FAAH2: variants seen among roughly 807,000 people sequenced by gnomAD.
The protein encoded by FAAH2 is fatty-acid amide hydrolase 2.
A neutral mutation model predicts 36.9 loss-of-function variants in FAAH2; 60 were observed. That is an observed-to-expected ratio of 1.63 (90% CI 1.32 to 2.02). The LOEUF is 2.02. Among genes scored for constraint, FAAH2 ranks in the 30% most tolerant of loss-of-function variants. The pLI, the probability that FAAH2 is intolerant of heterozygous loss-of-function variation, is 0.00. For missense variants in FAAH2, 689 were observed against 397.5 expected, an observed-to-expected ratio of 1.73 and a Z score of -6.23; for synonymous variants, 214 against 143.8, an observed-to-expected ratio of 1.49 and a Z score of -3.49.
chrX:57,336,535 C>T (rs6612778), intron 4 of FAAH2, among the ~76,000 whole-genome samples: 59,998 of 110,481 alleles, frequency 0.54, 14,362 homozygotes, highest in Non-Finnish European at 0.74. Flanking sequence ...TCTTTCTTTT[C>T]CCCACATTAC....
At chrX:57,422,010 A>G (rs1389487672) in intron 7 of FAAH2, among the ~76,000 whole-genome samples, 1 of 111,679 alleles carries the variant, frequency 9.0e-6, no homozygotes, top group African/African-American at 3.3e-5. Flanking sequence ...CTCCTGAGGT[A>G]CGATATTGTA....
the FAAH2 span, among the ~76,000 whole-genome samples, chrX:57,160,350 C>T: frequency 7.9e-4 from 88 of 111,526 alleles, no homozygotes; most frequent in East Asian, 7.3e-3. Context: ...TGATGCTGGC[C>T]TCATAAAATG....
intron 5 of FAAH2, among the ~76,000 whole-genome samples, chrX:57,349,324 T>C (rs1177054764): frequency 2.3e-4 from 22 of 97,090 alleles, no homozygotes; most frequent in South Asian, 1.8e-3. Context: ...TATATACATA[T>C]ATACACATAT....
chrX:57,296,942 A>T (rs1641457047), intron 2 of FAAH2, among the ~76,000 whole-genome samples: 1 of 109,781 alleles, frequency 9.1e-6, no homozygotes, highest in Non-Finnish European at 1.9e-5. Flanking sequence ...TCCAAGAAAT[A>T]TGGGACTATG....
At position 57,488,880 on chromosome X, in the gene FAAH2, C is replaced by T; in HGVS notation, c.1547C>T (p.Ala516Val). 8.3e-7 allele frequency: 1 copy of T among 1,210,694 alleles called. No individual in the cohort carries two copies. The highest frequency in any genetic ancestry group is 1.1e-6 in the Non-Finnish European group (1 of 895,275). Reference protein sequence around the residue: ...PFNDHLTLAVAQYLEKTFGGW... With the variant: ...PFNDHLTLAVVQYLEKTFGGW... ...AATGATCATCTGACCCTGGCTGTGG[C>T]CCAGTACTTGGAGAAAACTTTTGGG... is the stretch of plus-strand genomic sequence containing the variant. Residue 516 changes from alanine to valine, a missense_variant, in exon 11 of 11, where the codon GCC becomes GTC. Coordinates refer to ENST00000374900, the MANE Select transcript of FAAH2 (RefSeq NM_174912.4).
chrX:57,286,959 C>T lies in FAAH2; in HGVS notation c.134C>T (p.Thr45Ile), dbSNP rs1192319551. 4 of 1,202,492 alleles carry T rather than the reference C, an allele frequency of 3.3e-6. No homozygotes were observed. The highest frequency in any genetic ancestry group is 4.5e-6 in the Non-Finnish European group (4 of 890,945). ...GCCTCAAAGACCCCTCGGCCGGTGA[C>T]TGAACCATTGCTTCTGCTTTCGGGG... is the stretch of plus-strand genomic sequence containing the variant. Reference protein sequence around the residue: ...KFASKTPRPVTEPLLLLSGMQ... With the variant: ...KFASKTPRPVIEPLLLLSGMQ... The change falls in exon 1 of 11, where the codon ACT becomes ATT. Residue 45 changes from threonine to isoleucine, a missense_variant. Coordinates refer to ENST00000374900, the MANE Select transcript of FAAH2 (RefSeq NM_174912.4).
In FAAH2 at chrX:57,447,058, A is replaced by G. The variant is rs984461995; in HGVS notation, c.1228+19A>G. On this transcript the variant is annotated intron_variant, in intron 9 of 10. Coordinates refer to ENST00000374900, the MANE Select transcript of FAAH2 (RefSeq NM_174912.4). ...TCCATTGGTATGTAAATCATATTCTACCTAGACCAGTTTGATGTCCTGTAA... is the reference window on the plus strand; with the variant it reads ...TCCATTGGTATGTAAATCATATTCTGCCTAGACCAGTTTGATGTCCTGTAA... 1.1e-5 allele frequency: 12 copies of G among 1,086,428 alleles called. No homozygotes were observed. In the African/African-American group the frequency reaches 2.0e-4, roughly 18 times the overall value. 89.5% of individuals were successfully genotyped at this position (1,086,428 alleles called of 1,213,427 possible).
intron 7 of FAAH2, among the ~76,000 whole-genome samples, chrX:57,404,005 G>A (rs1174889692): frequency 1.8e-5 from 2 of 112,696 alleles, no homozygotes; most frequent in Admixed American, 9.4e-5. Flanking sequence ...TGCTCACAAT[G>A]AGGTTTCCTC....
At chrX:57,375,858 A>G (rs2054661464) in intron 5 of FAAH2, among the ~76,000 whole-genome samples, 1 of 111,412 alleles carries the variant, frequency 9.0e-6, no homozygotes, top group Admixed American at 9.6e-5. Flanking sequence ...TGCTTTATTC[A>G]TTTTCCTTTG....
intron 5 of FAAH2, among the ~76,000 whole-genome samples, chrX:57,346,500 C>A (rs2053825577): frequency 8.9e-6 from 1 of 111,769 alleles, no homozygotes; most frequent in Non-Finnish European, 1.9e-5. Context: ...TGCTTTGAGC[C>A]TTTCAGTGTT....
chrX:57,346,803 T>A (rs1310906494), intron 5 of FAAH2, among the ~76,000 whole-genome samples: 1 of 111,671 alleles, frequency 9.0e-6, no homozygotes, highest in African/African-American at 3.3e-5. Flanking sequence ...TGGGAAGGAC[T>A]TTATTTTTTA....
At chrX:57,243,604 A>G in the FAAH2 span, among the ~76,000 whole-genome samples, 1 of 112,121 alleles carries the variant, frequency 8.9e-6, no homozygotes, top group African/African-American at 3.2e-5. Flanking sequence ...ACTCAGGCAA[A>G]CATGGTCTGG....
chrX:57,385,625 G>A (rs375072696), intron 7 of FAAH2, among the ~76,000 whole-genome samples: 6 of 111,811 alleles, frequency 5.4e-5, no homozygotes, highest in Non-Finnish European at 9.4e-5. Context: ...CTTCTTTAGG[G>A]CCCCCCTCTT....
At chrX:57,448,789 A>G in intron 10 of FAAH2, 71 bp downstream of exon 10, 1 of 1,067,943 alleles carries the variant, frequency 9.4e-7, no homozygotes, top group Non-Finnish European at 1.3e-6. Context: ...GGAAAGCATA[A>G]TTTTCTTTTG....
At chrX:57,377,638 G>C (rs888977360) in intron 5 of FAAH2, among the ~76,000 whole-genome samples, 11 of 111,637 alleles carry the variant, frequency 9.9e-5, no homozygotes, top group Non-Finnish European at 1.9e-5. Context: ...GGCTCATTTT[G>C]TTCCACATGA....
chrX:57,348,757 C>T (rs950877389), intron 5 of FAAH2, among the ~76,000 whole-genome samples: 2 of 110,810 alleles, frequency 1.8e-5, no homozygotes, highest in Non-Finnish European at 3.8e-5. Flanking sequence ...CTCAACACAA[C>T]CAACATTATA....
the FAAH2 span, among the ~76,000 whole-genome samples, chrX:57,149,110 C>T: frequency 9.0e-6 from 1 of 111,689 alleles, no homozygotes. Context: ...ATGAAGCCCA[C>T]TTGATCATGG....
At chrX:57,185,872 G>T in the FAAH2 span, among the ~76,000 whole-genome samples, 1 of 110,753 alleles carries the variant, frequency 9.0e-6, no homozygotes, top group African/African-American at 3.3e-5. Flanking sequence ...CCATATCCCT[G>T]CAAAGGACAT....
At chrX:57,402,710 G>C (rs1286824043) in intron 7 of FAAH2, among the ~76,000 whole-genome samples, 2 of 111,715 alleles carry the variant, frequency 1.8e-5, no homozygotes, top group Non-Finnish European at 3.8e-5. Context: ...AGACATCATT[G>C]AATAATTTAT....
Sources: gnomAD v4.1 joint callset for allele counts (sites outside exome capture counted in the v4.1 genomes callset) on GRCh38, gnomAD v4.1.1 for gene constraint, MANE v1.5 for transcripts, NCBI Gene and HGNC (gene_info 2026-07-23, HGNC 2026-07-21) for gene names.